Variants in ZBTB20 observed in about 807,000 individuals in gnomAD.
ZBTB20 encodes zinc finger and BTB domain containing 20, also known as zinc finger and BTB domain-containing protein 20.
Under a neutral mutation model 56.9 loss-of-function variants are expected in ZBTB20, and 9 were observed. That is an observed-to-expected ratio of 0.16 (90% CI 0.10 to 0.28). ZBTB20 has a LOEUF of 0.28. Ranked by LOEUF, ZBTB20 falls within the 10% of genes least tolerant of loss-of-function variation. The pLI is 1.00. For missense variants in ZBTB20, 655 were observed against 1,003.0 expected, an observed-to-expected ratio of 0.65 and a Z score of 4.69; for synonymous variants, 417 against 420.7, an observed-to-expected ratio of 0.99 and a Z score of 0.11.
chr3:114,745,808 T>C (rs533803712), intron 5 of ZBTB20, among the ~76,000 whole-genome samples: 59 of 152,268 alleles, frequency 3.9e-4, no homozygotes, highest in African/African-American at 1.4e-3. Flanking sequence ...ATAGTAATAA[T>C]GATGATATCA....
At chr3:114,684,350 A>G (rs1338687188) in intron 6 of ZBTB20, among the ~76,000 whole-genome samples, 1 of 152,172 alleles carries the variant, frequency 6.6e-6, no homozygotes, top group Non-Finnish European at 1.5e-5. Context: ...TTTTTCTGAC[A>G]TTCTGAATTC....
intron 7 of ZBTB20, among the ~76,000 whole-genome samples, chr3:114,499,709 C>CT (rs893137988): frequency 2.0e-5 from 3 of 151,872 alleles, no homozygotes; most frequent in Admixed American, 6.6e-5. Flanking sequence ...TGAACGTTCT[C>CT]TTTTTTTTCA....
At chr3:114,428,987 T>C (rs1032965551) in intron 7 of ZBTB20, among the ~76,000 whole-genome samples, 1 of 150,698 alleles carries the variant, frequency 6.6e-6, no homozygotes, top group African/African-American at 2.4e-5. Context: ...TAAACAATTA[T>C]ACATATATAT....
intron 2 of ZBTB20, among the ~76,000 whole-genome samples, chr3:114,994,625 A>G (rs1158030368): frequency 6.6e-6 from 1 of 151,978 alleles, no homozygotes; most frequent in African/African-American, 2.4e-5. Context: ...TCATTCTTAT[A>G]TAGCCATCTT....
chr3:114,952,247 G>A (rs1576408594), intron 3 of ZBTB20, among the ~76,000 whole-genome samples: 1 of 152,104 alleles, frequency 6.6e-6, no homozygotes, highest in East Asian at 1.9e-4. Context: ...CATTAATGTG[G>A]GAGTTTATTA....
intron 2 of ZBTB20, among the ~76,000 whole-genome samples, chr3:115,037,222 A>G (rs147516988): frequency 2.0e-5 from 3 of 152,310 alleles, no homozygotes; most frequent in Non-Finnish European, 4.4e-5. Flanking sequence ...GACCAAAGTA[A>G]CAAGCACAGT....
At chr3:114,911,771 T>C (rs1347080833) in intron 3 of ZBTB20, among the ~76,000 whole-genome samples, 1 of 151,702 alleles carries the variant, frequency 6.6e-6, no homozygotes, top group Non-Finnish European at 1.5e-5. Context: ...GAGGAACCTA[T>C]GGGACAATAC....
intron 11 of ZBTB20, among the ~76,000 whole-genome samples, chr3:114,349,091 T>C (rs1314815369): frequency 1.3e-5 from 2 of 151,656 alleles, no homozygotes; most frequent in South Asian, 2.1e-4. Context: ...ACCCAGCTAC[T>C]TGGGAGGCTG....
Position 114,351,064 on chromosome 3 carries a change from G to T in ZBTB20, c.1014C>A (p.Asp338Glu), listed in dbSNP as rs1212729860. The T allele has an allele frequency of 1.9e-6, 3 of 1,611,512 alleles. No individual in the cohort carries two copies. Among genetic ancestry groups the T allele is most frequent in the Non-Finnish European group, 2.5e-6 (3 of 1,179,890 alleles). ...HIKQEMEDDY[D>E]YYGQQRVQIL... ...TCTGCACCCTTTGCTGCCCGTAGTA[G>T]TCGTAATCGTCCTCCATCTCCTGCT... The change falls in exon 11 of 12, where the codon GAC becomes GAA. Residue 338 changes from aspartate to glutamate, a missense_variant. Coordinates refer to ENST00000675478, the MANE Select transcript of ZBTB20 (RefSeq NM_001348800.3).
chr3:114,400,633 G>A (rs1404742437), intron 7 of ZBTB20, among the ~76,000 whole-genome samples: 2 of 152,160 alleles, frequency 1.3e-5, no homozygotes, highest in Non-Finnish European at 1.5e-5. Flanking sequence ...AGAAGCCACA[G>A]TGAATCCTGA....
chr3:115,115,734 C>T (rs2083999142), intron 1 of ZBTB20, among the ~76,000 whole-genome samples: 1 of 151,956 alleles, frequency 6.6e-6, no homozygotes, highest in South Asian at 2.1e-4. Flanking sequence ...CAAAAGTCTT[C>T]TAAATATTAA....
intron 6 of ZBTB20, among the ~76,000 whole-genome samples, chr3:114,545,240 A>C (rs2049733205): frequency 6.6e-6 from 1 of 152,210 alleles, no homozygotes; most frequent in Admixed American, 6.5e-5. Flanking sequence ...TATATGACTA[A>C]AAGAGCTGCT....
At chr3:114,689,196 T>A (rs2062546963) in intron 6 of ZBTB20, among the ~76,000 whole-genome samples, 1 of 152,148 alleles carries the variant, frequency 6.6e-6, no homozygotes, top group Non-Finnish European at 1.5e-5. Context: ...TACGGTAATG[T>A]CATAAATCCC....
chr3:114,713,197 T>C (rs1463311608), intron 5 of ZBTB20, among the ~76,000 whole-genome samples: 2 of 152,076 alleles, frequency 1.3e-5, no homozygotes, highest in Non-Finnish European at 2.9e-5. Flanking sequence ...TATAGTCAAA[T>C]ACATTAATTT....
chr3:115,064,704 C>A (rs541886319), intron 2 of ZBTB20, among the ~76,000 whole-genome samples: 2 of 152,166 alleles, frequency 1.3e-5, no homozygotes, highest in African/African-American at 4.8e-5. Flanking sequence ...CTGCCTCAGC[C>A]TCCCAAAGTG....
At chr3:114,766,702 G>T (rs754780562) in intron 5 of ZBTB20, among the ~76,000 whole-genome samples, 1 of 151,918 alleles carries the variant, frequency 6.6e-6, no homozygotes, top group Non-Finnish European at 1.5e-5. Context: ...CCTACTAATT[G>T]TTCTTAACAT....
chr3:114,847,811 G>A (rs1409387025), intron 4 of ZBTB20, among the ~76,000 whole-genome samples: 2 of 152,160 alleles, frequency 1.3e-5, no homozygotes, highest in Non-Finnish European at 2.9e-5. Flanking sequence ...TTAGTCCAGG[G>A]TTCTTTGCAC....
intron 6 of ZBTB20, among the ~76,000 whole-genome samples, chr3:114,512,803 C>A (rs1044663465): frequency 1.3e-5 from 2 of 152,118 alleles, no homozygotes; most frequent in African/African-American, 4.8e-5. Context: ...GGAGCCTCAG[C>A]CCCTAAGATA....
At position 114,318,096 on chromosome 3, in the gene ZBTB20, T is replaced by C. The variant is rs1184830108; in HGVS notation, c.*20909A>G. The C allele has an allele frequency of 6.6e-6, 1 of 152,232 alleles. No individual in the cohort carries two copies. The highest frequency in any genetic ancestry group is 1.5e-5 in the Non-Finnish European group (1 of 68,056). 9.4% of individuals were successfully genotyped at this position (152,232 alleles called of 1,614,324 possible). ...TTTTCCCTTCCCTCCAGCCAAATGATTTTTTAAAAAAATCACAGTTTTTAA... is the reference window on the plus strand; with the variant it reads ...TTTTCCCTTCCCTCCAGCCAAATGACTTTTTAAAAAAATCACAGTTTTTAA... On this transcript the variant is annotated 3_prime_UTR_variant, in exon 12 of 12. Transcript: ENST00000675478.
Sources: gnomAD v4.1 joint callset for allele counts (sites outside exome capture counted in the v4.1 genomes callset) on GRCh38, gnomAD v4.1.1 for gene constraint, MANE v1.5 for transcripts, NCBI Gene and HGNC (gene_info 2026-07-23, HGNC 2026-07-21) for gene names.